Variants in POU6F2 observed in about 807,000 individuals in gnomAD.
POU6F2 encodes POU domain, class 6, transcription factor 2.
Under a neutral mutation model 71.3 loss-of-function variants are expected in POU6F2, and 31 were observed. The observed-to-expected ratio is 0.43, with a 90% confidence interval of 0.33 to 0.59. The LOEUF (loss-of-function observed/expected upper bound fraction) is 0.59, where lower values mean the gene tolerates loss of function less well. POU6F2 is among the 20% of genes least tolerant of loss of function. The pLI is 0.04. For synonymous variants in POU6F2, 347 were observed against 355.7 expected, an observed-to-expected ratio of 0.98 and a Z score of 0.27; for missense variants, 783 against 856.8, an observed-to-expected ratio of 0.91 and a Z score of 1.07.
intron 5 of POU6F2, among the ~76,000 whole-genome samples, chr7:39,369,237 C>A (rs1423498773): frequency 6.6e-6 from 1 of 152,182 alleles, no homozygotes; most frequent in Admixed American, 6.5e-5. Flanking sequence ...ATTTCCACAG[C>A]CAGCCCAACC....
chr7:39,125,908 G>A (rs151181285), intron 2 of POU6F2, among the ~76,000 whole-genome samples: 15 of 152,268 alleles, frequency 9.9e-5, no homozygotes, highest in African/African-American at 2.9e-4. Flanking sequence ...AAAGAAGTGG[G>A]GCATAAAGCA....
intron 9 of POU6F2, among the ~76,000 whole-genome samples, chr7:39,461,304 C>T (rs1467166745): frequency 1.3e-5 from 2 of 152,188 alleles, no homozygotes; most frequent in Non-Finnish European, 2.9e-5. Flanking sequence ...TCTGGCCTAA[C>T]CTTGCTCATC....
chr7:39,088,767 C>G (rs1018136519), intron 2 of POU6F2, among the ~76,000 whole-genome samples: 3 of 152,104 alleles, frequency 2.0e-5, no homozygotes, highest in Non-Finnish European at 4.4e-5. Flanking sequence ...TTTATTGTAC[C>G]TGAAATTTCA....
rs538516819 is a variant in POU6F2 at position 39,230,884 on chromosome 7, G to A, written c.598+23264G>A. Among the ~76,000 whole-genome samples the A allele has an allele frequency of 8.5e-5, 13 of 152,250 alleles. No homozygotes were observed. In the South Asian group the frequency reaches 2.7e-3, roughly 32 times the overall value. On this transcript the variant is annotated intron_variant, in intron 4 of 9. Coordinates refer to ENST00000518318, the MANE Select transcript of POU6F2 (RefSeq NM_001370959.1). ...CCAAATAGATTTGTGTGCTAATGGG[G>A]TCAGAAGGTGCTAGACAAAGAATAA... is the stretch of plus-strand genomic sequence containing the variant.
At position 39,113,499 on chromosome 7, in the gene POU6F2, A is replaced by G. The variant is rs564592654; in HGVS notation, c.277+27468A>G. The stretch of plus-strand genomic sequence containing the variant: ...AATGACATAATCAAGGAATTAGAAC[A>G]TTCTCCCTCAAGTTACATAGACGAA... On this transcript the variant is annotated intron_variant, in intron 2 of 9. Coordinates refer to ENST00000518318, the MANE Select transcript of POU6F2 (RefSeq NM_001370959.1). Among the ~76,000 whole-genome samples the G allele has an allele frequency of 1.8e-4, 28 of 152,324 alleles. No individual in the cohort carries two copies. The South Asian group carries it at 5.2e-3, about 28-fold the overall frequency.
At chr7:39,010,369 A>T (rs1168853972) in intron 1 of POU6F2, among the ~76,000 whole-genome samples, 7 of 147,786 alleles carry the variant, frequency 4.7e-5, no homozygotes, top group Non-Finnish European at 1.1e-4. Flanking sequence ...CGGTGGTGAT[A>T]TCCCCTTTAT....
chr7:39,316,583 T>C (rs1262474851), intron 4 of POU6F2, among the ~76,000 whole-genome samples: 2 of 152,204 alleles, frequency 1.3e-5, no homozygotes, highest in Non-Finnish European at 2.9e-5. Flanking sequence ...GTCCCCATGC[T>C]TGCCAAGTTC....
chr7:39,180,671 A>G (rs574912176), intron 2 of POU6F2, among the ~76,000 whole-genome samples: 71 of 152,268 alleles, frequency 4.7e-4, no homozygotes, highest in African/African-American at 1.7e-3. Context: ...TAGGACCCCA[A>G]GCTCAGACGG....
At chr7:38,986,153 G>GA (rs1262369524) in intron 1 of POU6F2, among the ~76,000 whole-genome samples, 1 of 152,016 alleles carries the variant, frequency 6.6e-6, no homozygotes, top group African/African-American at 2.4e-5. Context: ...CTTAGTACCT[G>GA]AAAAAATTAT....
chr7:39,353,341 A>G (rs971926018), intron 5 of POU6F2, among the ~76,000 whole-genome samples: 3 of 152,246 alleles, frequency 2.0e-5, no homozygotes, highest in African/African-American at 7.2e-5. Flanking sequence ...ATGTCCTGCC[A>G]ACCCCCACCC....
intron 4 of POU6F2, among the ~76,000 whole-genome samples, chr7:39,219,200 G>A (rs1349235744): frequency 6.6e-6 from 1 of 152,130 alleles, no homozygotes; most frequent in Non-Finnish European, 1.5e-5. Context: ...AATGCAACAA[G>A]AAGGAGCCCC....
intron 2 of POU6F2, among the ~76,000 whole-genome samples, chr7:39,156,016 A>G (rs1454209519): frequency 6.6e-6 from 1 of 152,134 alleles, no homozygotes; most frequent in Non-Finnish European, 1.5e-5. Context: ...ATTATTTTTC[A>G]TATTAAATAG....
At chr7:39,043,307 G>A (rs531164941) in intron 1 of POU6F2, among the ~76,000 whole-genome samples, 1 of 152,012 alleles carries the variant, frequency 6.6e-6, no homozygotes, top group South Asian at 2.1e-4. Flanking sequence ...ATCTGACCTA[G>A]GAATGGACAC....
chr7:39,211,203 G>A (rs188444829), intron 4 of POU6F2, among the ~76,000 whole-genome samples: 1 of 152,192 alleles, frequency 6.6e-6, no homozygotes, highest in East Asian at 1.9e-4. Flanking sequence ...AAAACTTGGT[G>A]GGTTGGGAGG....
intron 4 of POU6F2, among the ~76,000 whole-genome samples, chr7:39,231,876 A>G (rs1176539297): frequency 6.6e-6 from 1 of 152,202 alleles, no homozygotes; most frequent in African/African-American, 2.4e-5. Flanking sequence ...AGCAGTTGAA[A>G]TGCCCTAATT....
chr7:39,032,880 C>A (rs1584509733), intron 1 of POU6F2, among the ~76,000 whole-genome samples: 1 of 152,184 alleles, frequency 6.6e-6, no homozygotes, highest in African/African-American at 2.4e-5. Flanking sequence ...TCTCGTGACA[C>A]ACATCTTCTG....
chr7:39,116,102 C>T (rs564859730), intron 2 of POU6F2, among the ~76,000 whole-genome samples: 5 of 152,244 alleles, frequency 3.3e-5, no homozygotes, highest in South Asian at 2.1e-4. Context: ...AATTATGAAG[C>T]GAGCCGGGAT....
At chr7:39,362,140 A>G (rs1213601967) in intron 5 of POU6F2, among the ~76,000 whole-genome samples, 1 of 152,222 alleles carries the variant, frequency 6.6e-6, no homozygotes, top group Non-Finnish European at 1.5e-5. Context: ...AGTAAATCTA[A>G]ACAAAATTAT....
chr7:39,066,523 G>A (rs981543489), intron 1 of POU6F2, among the ~76,000 whole-genome samples: 5 of 151,498 alleles, frequency 3.3e-5, no homozygotes, highest in African/African-American at 1.2e-4. Flanking sequence ...CATATAACTT[G>A]ATTATAGAAA....
Sources: gnomAD v4.1 joint callset for allele counts (sites outside exome capture counted in the v4.1 genomes callset) on GRCh38, gnomAD v4.1.1 for gene constraint, MANE v1.5 for transcripts, NCBI Gene and HGNC (gene_info 2026-07-23, HGNC 2026-07-21) for gene names.